Variants in DBT observed in about 807,000 individuals in gnomAD.
DBT encodes the protein lipoamide acyltransferase component of branched-chain alpha-keto acid dehydrogenase complex, mitochondrial.
Under a neutral mutation model 51.3 loss-of-function variants are expected in DBT, and 40 were observed. The ratio of observed to expected loss-of-function variants is 0.78; its 90% CI spans 0.61 to 1.02. DBT has a LOEUF of 1.02. DBT is among the 50% of genes least tolerant of loss of function. The probability of loss-of-function intolerance (pLI) is 0.00; values close to 1 mark genes in which losing one functional copy is unlikely to be tolerated. For missense variants in DBT, 510 were observed against 580.2 expected, an observed-to-expected ratio of 0.88 and a Z score of 1.24; for synonymous variants, 181 against 190.4, an observed-to-expected ratio of 0.95 and a Z score of 0.41.
intron 3 of DBT, among the ~76,000 whole-genome samples, chr1:100,233,770 T>G (rs1427474356): frequency 1.3e-5 from 2 of 152,220 alleles, no homozygotes; most frequent in South Asian, 4.1e-4. Context: ...CATTCTGTAT[T>G]TGTCCTGATT....
intron 10 of DBT, among the ~76,000 whole-genome samples, chr1:100,199,412 A>G (rs1661301802): frequency 6.6e-6 from 1 of 152,200 alleles, no homozygotes; most frequent in Non-Finnish European, 1.5e-5. Context: ...TGAAATAAAG[A>G]TATTTTGATA....
intron 3 of DBT, among the ~76,000 whole-genome samples, chr1:100,233,249 A>G (rs554624456): frequency 2.6e-5 from 4 of 152,332 alleles, no homozygotes; most frequent in African/African-American, 9.6e-5. Flanking sequence ...ACTATCAGAC[A>G]AAATAGACTT....
chr1:100,244,885 T>C (rs1407164391), intron 1 of DBT, among the ~76,000 whole-genome samples: 4 of 152,116 alleles, frequency 2.6e-5, no homozygotes, highest in African/African-American at 9.7e-5. Flanking sequence ...GAGTACTGTA[T>C]AGTATTTGAG....
chr1:100,213,780 G>A, intron 7 of DBT: 1 of 1,470,504 alleles, frequency 6.8e-7, no homozygotes, highest in South Asian at 1.4e-5. Context: ...GTAAAGCGAG[G>A]TGGGACCGAT....
intron 1 of DBT, among the ~76,000 whole-genome samples, chr1:100,244,166 T>G (rs1664404346): frequency 6.6e-6 from 1 of 151,528 alleles, no homozygotes; most frequent in African/African-American, 2.4e-5. Flanking sequence ...AGATTTAAGC[T>G]GCACTGTGCA....
chr1:100,203,758 C>T (rs4587586), intron 10 of DBT, among the ~76,000 whole-genome samples: 33,695 of 152,150 alleles, frequency 0.22, 3,887 homozygotes, highest in Non-Finnish European at 0.25. Flanking sequence ...CCATCACAAT[C>T]AAGTCGGCTT....
At chr1:100,249,673 G>T in intron 1 of DBT, 97 bp downstream of exon 1, 1 of 1,188,864 alleles carries the variant, frequency 8.4e-7, no homozygotes, top group Non-Finnish European at 1.3e-6. Flanking sequence ...CGCGTGCCCT[G>T]GACGCCTGGC....
Position 100,210,772 on chromosome 1 carries a change from C to A in DBT, c.940-1G>T. The A allele has an allele frequency of 6.2e-7, 1 of 1,613,514 alleles. No homozygotes were observed. Among genetic ancestry groups the A allele is most frequent in the South Asian group, 1.1e-5 (1 of 91,070 alleles). On this transcript the variant is annotated splice_acceptor_variant, in intron 7 of 10. Transcript: ENST00000370132. LOFTEE classifies it high-confidence loss of function. ...ACTGTAGTAATCCCAAGGAAGCAGC[C>A]TGTTTAACAGAAAAAGAATGCAATT... is the stretch of plus-strand genomic sequence containing the variant.
intron 10 of DBT, among the ~76,000 whole-genome samples, chr1:100,199,619 A>G (rs1209465966): frequency 2.0e-5 from 3 of 152,222 alleles, no homozygotes; most frequent in Non-Finnish European, 2.9e-5. Flanking sequence ...ATGGCAGAAC[A>G]GGAACAGCTC....
At chr1:100,226,451 T>C (rs1400212020) in intron 4 of DBT, among the ~76,000 whole-genome samples, 1 of 151,562 alleles carries the variant, frequency 6.6e-6, no homozygotes, top group Non-Finnish European at 1.5e-5. Context: ...ACCTGGCTAT[T>C]TTTTTTTATT....
In DBT at chr1:100,216,142, T is replaced by A; in HGVS notation, c.613A>T (p.Ile205Phe). The stretch of plus-strand genomic sequence containing the variant: ...GTCTGCTTTTCCAAATAGTTGAGGA[T>A]ATCTTCTTTAAGTATTCTGCCATCT... ...GKDGRILKED[I>F]LNYLEKQTGA... The change falls in exon 6 of 11, where the codon ATC (isoleucine) becomes TTC (phenylalanine). Residue 205 changes from isoleucine (I) to phenylalanine (F), a missense_variant. Transcript: ENST00000370132. 6.2e-7 allele frequency: 1 copy of A among 1,614,036 alleles called. No homozygotes were observed. The highest frequency in any genetic ancestry group is 8.5e-7 in the Non-Finnish European group (1 of 1,179,942).
At chr1:100,220,865 A>C (rs556363325) in intron 4 of DBT, among the ~76,000 whole-genome samples, 56 of 152,292 alleles carry the variant, frequency 3.7e-4, no homozygotes, top group African/African-American at 1.3e-3. Context: ...TCAAGGCATA[A>C]TTTTTGTTGA....
At chr1:100,196,480 C>G (rs986003533) in intron 10 of DBT, 58 bp from the exon 11 acceptor site, 5 of 1,531,642 alleles carry the variant, frequency 3.3e-6, no homozygotes, top group Admixed American at 3.7e-5. Context: ...TAAACCTTCA[C>G]TTGTTCAGAG....
At chr1:100,198,162 A>T (rs546941510) in intron 10 of DBT, among the ~76,000 whole-genome samples, 1 of 152,268 alleles carries the variant, frequency 6.6e-6, no homozygotes, top group Non-Finnish European at 1.5e-5. Context: ...ACATTTATAT[A>T]CAACAGTATA....
chr1:100,214,130 A>T (rs371022492), intron 7 of DBT, among the ~76,000 whole-genome samples: 1 of 152,190 alleles, frequency 6.6e-6, no homozygotes, highest in African/African-American at 2.4e-5. Flanking sequence ...GATTCCCAGG[A>T]TCCTCAATAT....
Position 100,195,957 on chromosome 1 carries a change from G to T in DBT, c.*298C>A. 2.6e-6 allele frequency: 1 copy of T among 391,938 alleles called. No homozygotes were observed. The highest frequency in any genetic ancestry group is 4.8e-6 in the Non-Finnish European group (1 of 209,514). The allele number at this position is 391,938 out of a possible 1,614,324, so 24.3% of individuals were successfully genotyped here. ...TGGGATTACAGGCGTGAGCCACCAT[G>T]CCCGGCCTAATTTTGTTAATCTTGC... On this transcript the variant is annotated 3_prime_UTR_variant, in exon 11 of 11. Transcript: ENST00000370132.
intron 5 of DBT, among the ~76,000 whole-genome samples, chr1:100,217,709 C>T (rs182552122): frequency 6.6e-6 from 1 of 152,200 alleles, no homozygotes; most frequent in African/African-American, 2.4e-5. Context: ...CAGAACCAGA[C>T]AGATTTGTGT....
chr1:100,200,825 T>TA (rs1661392227), intron 10 of DBT, among the ~76,000 whole-genome samples: 3 of 152,118 alleles, frequency 2.0e-5, no homozygotes, highest in Admixed American at 1.3e-4. Context: ...GCCTGACTGT[T>TA]AGAAGAAAAA....
intron 1 of DBT, among the ~76,000 whole-genome samples, chr1:100,248,735 A>C (rs1278144936): frequency 6.6e-6 from 1 of 152,208 alleles, no homozygotes; most frequent in African/African-American, 2.4e-5. Flanking sequence ...ATATGTGTTA[A>C]GTGTTGCTGA....
Sources: allele counts gnomAD v4.1 joint callset (sites outside exome capture counted in the v4.1 genomes callset), GRCh38; gene constraint gnomAD v4.1.1; transcripts MANE v1.5; gene names NCBI Gene and HGNC (gene_info 2026-07-23, HGNC 2026-07-21).